The following UBL7 variants were observed in gnomAD, a reference collection of about 807,000 sequenced individuals.
UBL7 encodes the protein ubiquitin like 7.
UBL7 carries 21 observed loss-of-function variants against 41.7 expected under a neutral mutation model. That is an observed-to-expected ratio of 0.50 (90% CI 0.36 to 0.73). The LOEUF (loss-of-function observed/expected upper bound fraction) is 0.73, where lower values mean the gene tolerates loss of function less well. UBL7 is among the 30% of genes least tolerant of loss of function. The pLI is 0.00. For synonymous variants in UBL7, 157 were observed against 186.9 expected (o/e 0.84, Z 1.31); for missense variants, 403 against 478.4 (o/e 0.84, Z 1.47).
chr15:74,448,200 C>T (rs903684380), intron 10 of UBL7, among the ~76,000 whole-genome samples: 1 of 152,136 alleles, frequency 6.6e-6, no homozygotes, highest in East Asian at 1.9e-4. Flanking sequence ...AGTCAATGAT[C>T]ACTGAATGAA....
intron 5 of UBL7, 88 bp from the exon 6 acceptor site, chr15:74,450,947 C>T (rs1596214229): frequency 7.3e-7 from 1 of 1,368,382 alleles, no homozygotes; most frequent in East Asian, 2.3e-5. Context: ...GCAACCAGCT[C>T]AACAGGGACA....
At position 74,458,882 on chromosome 15, in the gene UBL7, GCT is replaced by G. The variant is rs777343468; in HGVS notation, c.-17_-16del. 2.4e-5 allele frequency: 38 copies of G among 1,606,434 alleles called. No individual in the cohort carries two copies. The highest frequency in any genetic ancestry group is 3.2e-5 in the Non-Finnish European group (38 of 1,179,958). ...GAGAGAGACATCCTCTCTCTTTCGC[GCT>G]CTCTCTTTCTCCCTGTAAAAGAACA... On this transcript the variant is annotated 5_prime_UTR_variant, in exon 2 of 11. Transcript: ENST00000395081.
Position 74,451,694 on chromosome 15 carries a change from G to A in UBL7, c.388-174C>T, listed in dbSNP as rs138704062. 3.0e-3 allele frequency among the ~76,000 whole-genome samples: 450 copies of A among 151,922 alleles called. 6 individuals are homozygous for A. The highest frequency in any genetic ancestry group is 0.024 in the East Asian group (124 of 5,162). On this transcript the variant is annotated intron_variant, in intron 4 of 10. Coordinates refer to ENST00000395081, the MANE Select transcript of UBL7 (RefSeq NM_032907.5). ...TTTTGCTCTAAGATCTTAGCTTACT[G>A]GAGGGGAAACAAACAATTTAAAAAA...
At chr15:74,454,973 G>A (rs947140245) in intron 3 of UBL7, among the ~76,000 whole-genome samples, 1 of 152,184 alleles carries the variant, frequency 6.6e-6, no homozygotes, top group African/African-American at 2.4e-5. Context: ...TTTCTGTTCA[G>A]CAATAATAGG....
intron 1 of UBL7, 31 bp from the exon 2 acceptor site, chr15:74,458,927 A>C (rs756974081): frequency 1.3e-5 from 20 of 1,591,826 alleles, no homozygotes; most frequent in Admixed American, 3.3e-5. Flanking sequence ...AGTGGTTAAA[A>C]GACAGACCAC....
chr15:74,460,874 G>A (rs1363768126), intron 1 of UBL7, 163 bp downstream of exon 1: 2 of 1,190,266 alleles, frequency 1.7e-6, no homozygotes, highest in Non-Finnish European at 2.1e-6. Flanking sequence ...GCCAGAAGGA[G>A]GTCGTTTTAT....
chr15:74,455,576 G>A (rs1229074912), intron 3 of UBL7, among the ~76,000 whole-genome samples: 2 of 152,136 alleles, frequency 1.3e-5, no homozygotes, highest in African/African-American at 2.4e-5. Flanking sequence ...TTTTTCTAAT[G>A]AGAACAACGA....
chr15:74,452,312 G>A lies in UBL7; in HGVS notation c.371C>T (p.Ser124Phe), dbSNP rs1051719015. The change falls in exon 4 of 11, where the codon TCC becomes TTC. Residue 124 changes from serine to phenylalanine, a missense_variant. Coordinates refer to ENST00000395081, the MANE Select transcript of UBL7 (RefSeq NM_032907.5). ...CACACTCACCGCCTCCCTGTAAGAGGAGCTGCTGTGCAGGGCAGTGTGCAA... is the reference window on the plus strand; with the variant it reads ...CACACTCACCGCCTCCCTGTAAGAGAAGCTGCTGTGCAGGGCAGTGTGCAA... ...RVLHTALHSSSSYREAVFKML... is the reference protein window; with the variant it reads ...RVLHTALHSSFSYREAVFKML... 4 of 1,558,520 alleles carry A rather than the reference G, an allele frequency of 2.6e-6. No individual in the cohort carries two copies. The highest frequency in any genetic ancestry group is 2.6e-6 in the Non-Finnish European group (3 of 1,150,116).
chr15:74,447,184 A>G (rs969252151), intron 10 of UBL7, among the ~76,000 whole-genome samples: 29 of 152,216 alleles, frequency 1.9e-4, no homozygotes, highest in African/African-American at 6.0e-4. Flanking sequence ...GTCTACAAGG[A>G]CCACATGGAA....
chr15:74,454,079 C>T (rs889963307), intron 3 of UBL7, among the ~76,000 whole-genome samples: 1 of 152,174 alleles, frequency 6.6e-6, no homozygotes, highest in Admixed American at 6.5e-5. Context: ...GCCAGGAAAA[C>T]CCCTGGTCCA....
intron 1 of UBL7, chr15:74,460,820 C>A: frequency 8.1e-7 from 1 of 1,239,506 alleles, no homozygotes; most frequent in South Asian, 1.4e-5. Flanking sequence ...AGCTGCCTAG[C>A]AGACCTTCAA....
intron 6 of UBL7, 66 bp downstream of exon 6, chr15:74,450,736 C>T: frequency 6.4e-7 from 1 of 1,563,138 alleles, no homozygotes; most frequent in Non-Finnish European, 8.8e-7. Flanking sequence ...TGCAGGGTGA[C>T]AATTAGGCTT....
intron 6 of UBL7, 127 bp from the exon 7 acceptor site, chr15:74,450,196 T>C (rs2141314486): frequency 1.7e-6 from 2 of 1,182,422 alleles, no homozygotes. Context: ...CCTCAGTCTT[T>C]AGCATCTTCC....
intron 1 of UBL7, among the ~76,000 whole-genome samples, chr15:74,459,593 A>G (rs1202694553): frequency 1.3e-5 from 2 of 151,350 alleles, no homozygotes; most frequent in Admixed American, 6.6e-5. Context: ...CTGGGATTAC[A>G]GGCATGAGCG....
At chr15:74,450,751 C>A (rs1343931674) in intron 6 of UBL7, 51 bp downstream of exon 6, 1 of 1,599,854 alleles carries the variant, frequency 6.3e-7, no homozygotes, top group Non-Finnish European at 8.6e-7. Context: ...AGGCTTCTGG[C>A]CTGAGCACGA....
intron 3 of UBL7, among the ~76,000 whole-genome samples, chr15:74,455,832 CA>C (rs944125547): frequency 2.6e-5 from 4 of 151,916 alleles, no homozygotes; most frequent in Admixed American, 2.6e-4. Context: ...ACTAAAAATA[CA>C]AAAATTGAAG....
intron 5 of UBL7, 107 bp from the exon 6 acceptor site, chr15:74,450,966 C>T: frequency 8.8e-7 from 1 of 1,138,526 alleles, no homozygotes; most frequent in Non-Finnish European, 1.3e-6. Context: ...CACAGGACAA[C>T]AAGCCAATCT....
intron 3 of UBL7, among the ~76,000 whole-genome samples, chr15:74,453,462 TAGAC>T (rs576992303): frequency 3.3e-5 from 5 of 151,800 alleles, no homozygotes; most frequent in East Asian, 1.9e-4. Context: ...AGGGTGAAGA[TAGAC>T]AGCTGCCTCC....
chr15:74,459,483 T>A (rs1045119586), intron 1 of UBL7, among the ~76,000 whole-genome samples: 1 of 151,098 alleles, frequency 6.6e-6, no homozygotes, highest in African/African-American at 2.4e-5. Context: ...TAATTTTTTT[T>A]TTTTTTTGTA....
Sources: allele counts gnomAD v4.1 joint callset (sites outside exome capture counted in the v4.1 genomes callset), GRCh38; gene constraint gnomAD v4.1.1; transcripts MANE v1.5; gene names NCBI Gene and HGNC (gene_info 2026-07-23, HGNC 2026-07-21).